CCNA1: variants seen among roughly 807,000 people sequenced by gnomAD.
CCNA1 encodes the protein cyclin-A1.
CCNA1 carries 23 observed loss-of-function variants against 54.1 expected under a neutral mutation model. The observed-to-expected ratio is 0.42, with a 90% CI of 0.31 to 0.60. The LOEUF (loss-of-function observed/expected upper bound fraction) is 0.60, where lower values mean the gene tolerates loss of function less well. Ranked by LOEUF, CCNA1 falls within the 20% of genes least tolerant of loss-of-function variation. The probability of loss-of-function intolerance (pLI) is 0.14; values close to 1 mark genes in which losing one functional copy is unlikely to be tolerated. For missense variants in CCNA1, 450 were observed against 556.7 expected (o/e 0.81, Z 1.93); for synonymous variants, 208 against 213.9 (o/e 0.97, Z 0.24).
Position 36,437,814 on chromosome 13 carries a change from G to A in CCNA1, c.483G>A (p.Val161=), listed in dbSNP as rs767940034. 1.9e-5 allele frequency: 30 copies of A among 1,614,052 alleles called. No individual in the cohort carries two copies. Among genetic ancestry groups the A allele is most frequent in the Non-Finnish European group, 2.4e-5 (28 of 1,180,008 alleles). Residue 161 remains valine (V), a synonymous_variant, in exon 3 of 9, where the codon GTG becomes GTA. Transcript: ENST00000255465. The stretch of plus-strand genomic sequence containing the variant: ...GAGAGGGGATGGCATTTGAGGATGT[G>A]TATGAAGTAGACACCGGCACACTCA...
At chr13:36,437,998 G>A (rs1167996567) in intron 3 of CCNA1, 69 bp from the exon 4 acceptor site, 1 of 1,584,154 alleles carries the variant, frequency 6.3e-7, no homozygotes, top group Non-Finnish European at 8.6e-7. Flanking sequence ...ACAACTGCCT[G>A]TAGAGGGTTA....
upstream of CCNA1, chr13:36,432,241 A>G (rs1666440091): frequency 5.2e-6 from 1 of 192,410 alleles, no homozygotes. Flanking sequence ...CGCTCCCGCT[A>G]GGTCCGGGGG....
intron 7 of CCNA1, among the ~76,000 whole-genome samples, chr13:36,441,539 G>A (rs1245177564): frequency 6.6e-6 from 1 of 152,142 alleles, no homozygotes; most frequent in Non-Finnish European, 1.5e-5. Context: ...TCAAGCAAAA[G>A]TTGTTGACTT....
chr13:36,433,238 A>G lies in CCNA1; in HGVS notation c.297+17A>G. 1 of 1,595,326 alleles carries G rather than the reference A, an allele frequency of 6.3e-7. No homozygotes were observed. Among genetic ancestry groups the G allele is most frequent in the Non-Finnish European group, 8.6e-7 (1 of 1,169,374 alleles). On this transcript the variant is annotated intron_variant, in intron 2 of 8. Coordinates refer to ENST00000255465, the MANE Select transcript of CCNA1 (RefSeq NM_003914.4). ...TGTGGCCAGGTAATGACTCAGACGC[A>G]TTGAGAATGATGCTTGTGGAGAACA...
At chr13:36,436,795 G>A (rs1473252710) in intron 2 of CCNA1, among the ~76,000 whole-genome samples, 1 of 152,194 alleles carries the variant, frequency 6.6e-6, no homozygotes, top group African/African-American at 2.4e-5. Context: ...CTTAGAAGTA[G>A]CCTTCAACAG....
chr13:36,435,460 G>A (rs1009579977), intron 2 of CCNA1, among the ~76,000 whole-genome samples: 3 of 152,062 alleles, frequency 2.0e-5, no homozygotes, highest in East Asian at 1.9e-4. Flanking sequence ...TTCCTTCCTC[G>A]ACTGATCAGC....
intron 5 of CCNA1, among the ~76,000 whole-genome samples, chr13:36,439,343 G>C (rs1332372715): frequency 4.6e-5 from 7 of 152,126 alleles, no homozygotes; most frequent in Non-Finnish European, 1.0e-4. Flanking sequence ...AGAGAGCTGG[G>C]TTGTGGCTGA....
At chr13:36,437,952 C>G in intron 3 of CCNA1, 77 bp downstream of exon 3, 1 of 1,571,776 alleles carries the variant, frequency 6.4e-7, no homozygotes, top group South Asian at 1.2e-5. Context: ...TAGCTAGTAA[C>G]TAGCAAGAGA....
Position 36,437,656 on chromosome 13 carries a change from G to C in CCNA1, c.325G>C (p.Gly109Arg). The C allele has an allele frequency of 1.2e-6, 2 of 1,613,928 alleles. No individual in the cohort carries two copies. Among genetic ancestry groups the C allele is most frequent in the Non-Finnish European group, 1.7e-6 (2 of 1,179,876 alleles). The change falls in exon 3 of 9, where the codon GGA (glycine) becomes CGA (arginine). Residue 109 changes from glycine to arginine, a missense_variant. This residue lies in a region of CCNA1 where 19 missense variants were observed against 40.5 expected (regional missense o/e 0.47). Transcript: ENST00000255465. ...GATCACAAGAATCAGGTGTTATTCT[G>C]GATCAGAAAATGCCTTCCCTCCAGC...
intron 6 of CCNA1, among the ~76,000 whole-genome samples, chr13:36,440,630 C>T (rs1820045757): frequency 1.3e-5 from 2 of 152,132 alleles, no homozygotes; most frequent in South Asian, 4.1e-4. Context: ...TTTCCAGTGA[C>T]CATAATCTAG....
intron 5 of CCNA1, 27 bp downstream of exon 5, chr13:36,438,894 A>G (rs746852296): frequency 3.4e-5 from 51 of 1,518,070 alleles, no homozygotes; most frequent in Non-Finnish European, 3.8e-5. Flanking sequence ...CTTGCATAAT[A>G]TGAAACTATC....
At chr13:36,438,246 G>A in intron 4 of CCNA1, 55 bp downstream of exon 4, 1 of 1,523,158 alleles carries the variant, frequency 6.6e-7, no homozygotes, top group Non-Finnish European at 8.9e-7. Flanking sequence ...TTATTACTAA[G>A]ATAAATTATA....
rs1555269872 is a variant in CCNA1, at chr13:36,433,370, T to TTTAC, written c.297+151_297+152insACTT. The TTTAC allele has an allele frequency of 2.8e-4, 89 of 317,486 alleles. 3 individuals are homozygous for TTTAC. Among genetic ancestry groups the TTTAC allele is most frequent in the Non-Finnish European group, 2.4e-4 (44 of 187,144 alleles). 19.7% of individuals were successfully genotyped at this position (317,486 alleles called of 1,614,324 possible). On this transcript the variant is annotated intron_variant, in intron 2 of 8. Transcript: ENST00000255465. ...GACTACAGGAAAGTTGATTGATTTA[T>TTTAC]TTTCTTTCTTTCTTTCTTTCTTTCT... is the stretch of plus-strand genomic sequence containing the variant.
intron 2 of CCNA1, among the ~76,000 whole-genome samples, chr13:36,436,341 A>G (rs562136617): frequency 2.0e-5 from 3 of 152,348 alleles, no homozygotes; most frequent in African/African-American, 7.2e-5. Context: ...CTCATGGCCT[A>G]TATGACTGTC....
Position 36,437,732 on chromosome 13 carries a change from G to A in CCNA1, c.401G>A (p.Gly134Glu), listed in dbSNP as rs1273345039. 2.5e-6 allele frequency: 4 copies of A among 1,613,998 alleles called. No individual in the cohort carries two copies. The African/African-American group carries it at 5.3e-5, about 22-fold the overall frequency. Reference sequence around the variant, plus strand: ...GGGGTCCAAGAGCCCCCCAAGCAAGGGTTTGACATCTACATGGATGAACTA... The same window carrying A: ...GGGGTCCAAGAGCCCCCCAAGCAAGAGTTTGACATCTACATGGATGAACTA... The change falls in exon 3 of 9, where the codon GGG becomes GAG. Residue 134 changes from glycine to glutamate, a missense_variant. Gly to Glu is a moderately conservative substitution (Grantham distance 98, BLOSUM62 -2). Transcript: ENST00000255465.
chr13:36,442,471 A>T, intron 8 of CCNA1, 143 bp from the exon 9 acceptor site: 1 of 1,081,890 alleles, frequency 9.2e-7, no homozygotes, highest in South Asian at 1.5e-5. Context: ...CTAGATTTAT[A>T]ATTTGTCAGC....
At chr13:36,434,797 ACTG>A (rs1593321255) in intron 2 of CCNA1, among the ~76,000 whole-genome samples, 1 of 149,742 alleles carries the variant, frequency 6.7e-6, no homozygotes, top group Non-Finnish European at 1.5e-5. Flanking sequence ...CTGTTATGTG[ACTG>A]CTATGTCCCT....
chr13:36,433,375 TTTC>T (rs2055744963), intron 2 of CCNA1, among the ~76,000 whole-genome samples, 154 bp downstream of exon 2: 2 of 14,668 alleles, frequency 1.4e-4, no homozygotes, highest in East Asian at 4.8e-3. Context: ...ATTTATTTTC[TTTC>T]TTTCTTTCTT....
In CCNA1 at chr13:36,442,629, C is replaced by T. The variant is rs758216737; in HGVS notation, c.1362C>T (p.Ser454=). ...CTTGTTTCAGGTACCTGTGTGTGTC[C>T]CTCATGGAGCCACCTGCAGTTCTTC... Residue 454 remains serine (S), a synonymous_variant, in exon 9 of 9, where the codon TCC becomes TCT. Transcript: ENST00000255465. 2 of 1,613,930 alleles carry T rather than the reference C, an allele frequency of 1.2e-6. No homozygotes were observed. Among genetic ancestry groups the T allele is most frequent in the East Asian group, 2.2e-5 (1 of 44,866 alleles).
Sources: allele counts gnomAD v4.1 joint callset (sites outside exome capture counted in the v4.1 genomes callset), GRCh38; gene constraint gnomAD v4.1.1; regional missense constraint gnomAD v4.1.1; transcripts MANE v1.5; gene names NCBI Gene and HGNC (gene_info 2026-07-23, HGNC 2026-07-21).